The following ITFG1 variants were observed in gnomAD, a reference collection of about 807,000 sequenced individuals.
The protein encoded by ITFG1 is integrin alpha FG-GAP repeat containing 1, also known as T-cell immunomodulatory protein.
ITFG1 carries 34 observed loss-of-function variants against 81.8 expected under a neutral mutation model. That is an observed-to-expected ratio of 0.42 (90% CI 0.32 to 0.55). ITFG1 has a LOEUF of 0.55. Ranked by LOEUF, ITFG1 falls within the 20% of genes least tolerant of loss-of-function variation. The pLI is 0.17. For synonymous variants in ITFG1, 285 were observed against 270.6 expected (o/e 1.05, Z -0.52); for missense variants, 672 against 755.4 (o/e 0.89, Z 1.29).
intron 5 of ITFG1, among the ~76,000 whole-genome samples, chr16:47,437,648 C>G (rs1969185164): frequency 6.6e-6 from 1 of 152,202 alleles, no homozygotes; most frequent in Non-Finnish European, 1.5e-5. Flanking sequence ...GAAGCATACT[C>G]ACTGTCTCAT....
intron 1 of ITFG1, among the ~76,000 whole-genome samples, chr16:47,459,884 G>A (rs955615081): frequency 2.6e-5 from 4 of 152,184 alleles, no homozygotes; most frequent in African/African-American, 9.7e-5. Flanking sequence ...GTTTGTAAGA[G>A]GTTCCTGCAT....
chr16:47,161,658 G>C (rs1964807401), intron 16 of ITFG1, 92 bp downstream of exon 16: 1 of 788,488 alleles, frequency 1.3e-6, no homozygotes, highest in Non-Finnish European at 2.2e-6. Context: ...TGGGAACACA[G>C]CAGGAATATG....
chr16:47,290,098 C>T (rs1007583826), intron 10 of ITFG1, among the ~76,000 whole-genome samples: 1 of 152,110 alleles, frequency 6.6e-6, no homozygotes, highest in Non-Finnish European at 1.5e-5. Flanking sequence ...CAGAAGCATA[C>T]TGTTTAATTT....
intron 8 of ITFG1, among the ~76,000 whole-genome samples, chr16:47,339,697 G>T (rs1967755705): frequency 6.6e-6 from 1 of 151,768 alleles, no homozygotes; most frequent in Admixed American, 6.6e-5. Flanking sequence ...AAACGATGAA[G>T]AAAAATAAAT....
chr16:47,350,619 G>A (rs1005427775), intron 8 of ITFG1, among the ~76,000 whole-genome samples: 3 of 152,078 alleles, frequency 2.0e-5, no homozygotes, highest in East Asian at 1.9e-4. Context: ...ATTCACAGCC[G>A]AATTCTACCT....
chr16:47,298,343 G>A (rs576588169), intron 10 of ITFG1, among the ~76,000 whole-genome samples: 20 of 151,952 alleles, frequency 1.3e-4, no homozygotes, highest in Non-Finnish European at 2.4e-4. Context: ...ATCTATTACC[G>A]GAGAATTACT....
intron 8 of ITFG1, among the ~76,000 whole-genome samples, chr16:47,363,465 G>A (rs1347040903): frequency 6.6e-6 from 1 of 151,948 alleles, no homozygotes; most frequent in East Asian, 1.9e-4. Flanking sequence ...GACCCCCTGT[G>A]CTCAAGCAAT....
intron 7 of ITFG1, among the ~76,000 whole-genome samples, chr16:47,368,236 T>TAAAA: frequency 1.1e-5 from 1 of 89,712 alleles, no homozygotes; most frequent in East Asian, 3.1e-4. Context: ...TCCGTCTCAA[T>TAAAA]TAAAAAAAAA....
chr16:47,360,276 T>G (rs1199037922), intron 8 of ITFG1, among the ~76,000 whole-genome samples: 1 of 152,198 alleles, frequency 6.6e-6, no homozygotes, highest in Non-Finnish European at 1.5e-5. Flanking sequence ...GTACTCTGTA[T>G]TTACTTGATA....
intron 8 of ITFG1, among the ~76,000 whole-genome samples, chr16:47,314,727 T>A (rs545012478): frequency 6.6e-6 from 1 of 152,354 alleles, no homozygotes; most frequent in East Asian, 1.9e-4. Flanking sequence ...CACAGTCACT[T>A]AGTTTTTTAA....
At chr16:47,339,709 A>G (rs1344111758) in intron 8 of ITFG1, among the ~76,000 whole-genome samples, 1 of 152,136 alleles carries the variant, frequency 6.6e-6, no homozygotes, top group African/African-American at 2.4e-5. Context: ...AAAATAAATA[A>G]AGCACAAGGG....
At chr16:47,324,365 C>CCAG (rs1257423874) in intron 8 of ITFG1, among the ~76,000 whole-genome samples, 1 of 151,988 alleles carries the variant, frequency 6.6e-6, no homozygotes, top group African/African-American at 2.4e-5. Flanking sequence ...ACAACTGGTA[C>CCAG]CAGCCACTGC....
chr16:47,162,681 A>G lies in ITFG1; in HGVS notation c.1454-17T>C. 1 of 1,489,010 alleles carries G rather than the reference A, an allele frequency of 6.7e-7. No homozygotes were observed. Among genetic ancestry groups the G allele is most frequent in the Non-Finnish European group, 9.0e-7 (1 of 1,105,176 alleles). 92.2% of individuals were successfully genotyped at this position (1,489,010 alleles called of 1,614,324 possible). ...GTTGGCCAGCTAGAGTTATTCAATT[A>G]AAAAAAAATTAAAAACATCTCTGGA... On this transcript the variant is annotated splice_polypyrimidine_tract_variant and intron_variant, in intron 14 of 17. Coordinates refer to ENST00000320640, the MANE Select transcript of ITFG1 (RefSeq NM_030790.5).
intron 6 of ITFG1, among the ~76,000 whole-genome samples, chr16:47,405,923 T>C (rs1008288136): frequency 2.0e-5 from 3 of 152,312 alleles, no homozygotes; most frequent in Middle Eastern, 3.4e-3. Flanking sequence ...AGATGTAATA[T>C]AGCTACAACA....
chr16:47,380,296 G>C (rs1457135048), intron 6 of ITFG1, among the ~76,000 whole-genome samples: 1 of 152,198 alleles, frequency 6.6e-6, no homozygotes, highest in Admixed American at 6.5e-5. Flanking sequence ...GTCTGCAGAA[G>C]TAGCCCACTC....
At chr16:47,400,833 G>C (rs1032728761) in intron 6 of ITFG1, among the ~76,000 whole-genome samples, 2 of 152,136 alleles carry the variant, frequency 1.3e-5, no homozygotes, top group Non-Finnish European at 2.9e-5. Flanking sequence ...GTTACGGCTA[G>C]AGCACTTGGC....
At chr16:47,215,337 C>A (rs1965612619) in intron 14 of ITFG1, among the ~76,000 whole-genome samples, 1 of 152,106 alleles carries the variant, frequency 6.6e-6, no homozygotes, top group Non-Finnish European at 1.5e-5. Flanking sequence ...CATGATGGCA[C>A]TCCCTCAGTC....
intron 6 of ITFG1, among the ~76,000 whole-genome samples, chr16:47,377,239 T>C (rs562432443): frequency 2.1e-4 from 32 of 152,248 alleles, no homozygotes; most frequent in Non-Finnish European, 3.5e-4. Flanking sequence ...AGTGGAACCA[T>C]TCTTTTGTCC....
intron 14 of ITFG1, among the ~76,000 whole-genome samples, chr16:47,174,199 T>C (rs942575335): frequency 6.6e-6 from 1 of 152,222 alleles, no homozygotes; most frequent in Non-Finnish European, 1.5e-5. Context: ...CAATGCAGTA[T>C]AGGAGATATA....
Sources: allele counts gnomAD v4.1 joint callset (sites outside exome capture counted in the v4.1 genomes callset), GRCh38; gene constraint gnomAD v4.1.1; transcripts MANE v1.5; gene names NCBI Gene and HGNC (gene_info 2026-07-23, HGNC 2026-07-21).